UBE4B: variants seen among roughly 807,000 people sequenced by gnomAD.
UBE4B encodes the protein ubiquitination factor E4B.
In UBE4B, 27 loss-of-function variants were observed where a neutral mutation model predicts 148.1. The ratio of observed to expected loss-of-function variants is 0.18; its 90% CI spans 0.13 to 0.25. The LOEUF is 0.25. Among genes scored for constraint, UBE4B ranks in the 10% least tolerant of loss-of-function variants. The probability of loss-of-function intolerance (pLI) is 1.00; values close to 1 mark genes in which losing one functional copy is unlikely to be tolerated. For missense variants in UBE4B, 1,170 were observed against 1,662.4 expected, an observed-to-expected ratio of 0.70 and a Z score of 5.15; for synonymous variants, 596 against 619.3, an observed-to-expected ratio of 0.96 and a Z score of 0.56.
chr1:10,142,698 G>C (rs61782924), intron 17 of UBE4B, among the ~76,000 whole-genome samples: 45,747 of 151,892 alleles, frequency 0.3, 12,325 homozygotes, highest in African/African-American at 0.73. Context: ...TGCATTCCCT[G>C]CAGAGGCTCT....
chr1:10,100,598 A>G (rs928298768), intron 3 of UBE4B, among the ~76,000 whole-genome samples: 2 of 152,250 alleles, frequency 1.3e-5, no homozygotes, highest in East Asian at 3.8e-4. Context: ...CTTGTTGCCC[A>G]GGCTGGAGTG....
chr1:10,079,316 G>A (rs1275352198), intron 2 of UBE4B, among the ~76,000 whole-genome samples: 7 of 151,938 alleles, frequency 4.6e-5, no homozygotes, highest in African/African-American at 1.5e-4. Flanking sequence ...GCGCCACCAC[G>A]CCCGGCTAAT....
chr1:10,117,716 C>A, intron 8 of UBE4B, 116 bp downstream of exon 8: 1 of 1,295,476 alleles, frequency 7.7e-7, no homozygotes, highest in Non-Finnish European at 1.0e-6. Context: ...TGAGCATTTG[C>A]CATGTGCCAG....
chr1:10,130,961 A>C, intron 14 of UBE4B, 148 bp downstream of exon 14: 1 of 674,770 alleles, frequency 1.5e-6, no homozygotes, highest in Non-Finnish European at 2.5e-6. Context: ...ACTATAAGTA[A>C]GTAGCCTGTG....
chr1:10,178,547 A>G, intron 25 of UBE4B, 97 bp from the exon 26 acceptor site: 3 of 1,317,438 alleles, frequency 2.3e-6, no homozygotes, highest in Non-Finnish European at 3.0e-6. Context: ...TAGTGGGGGA[A>G]AATCCACAAA....
Position 10,168,037 on chromosome 1 carries a change from T to G in UBE4B, c.3199-99T>G. 2 of 1,399,524 alleles carry G rather than the reference T, an allele frequency of 1.4e-6. No individual in the cohort carries two copies. Among genetic ancestry groups the G allele is most frequent in the Non-Finnish European group, 1.9e-6 (2 of 1,056,590 alleles). The allele number at this position is 1,399,524 out of a possible 1,614,324, so 86.7% of individuals were successfully genotyped here. ...AGGCGGTTCTGTCATTCCCTAAGCA[T>G]GTTGGGTTTATCACGCACTTTCCAG... On this transcript the variant is annotated intron_variant, in intron 23 of 27. Transcript: ENST00000343090. The surrounding 1 kb of genome is among the most constrained non-coding windows in gnomAD (Gnocchi z 4.9).
At chr1:10,099,904 A>G (rs1644981947) in intron 3 of UBE4B, among the ~76,000 whole-genome samples, 1 of 152,252 alleles carries the variant, frequency 6.6e-6, no homozygotes, top group South Asian at 2.1e-4. Flanking sequence ...GCAATTGTTC[A>G]ATCGGGGATA....
intron 8 of UBE4B, among the ~76,000 whole-genome samples, chr1:10,118,938 A>G (rs898253056): frequency 8.8e-6 from 1 of 113,666 alleles, no homozygotes; most frequent in African/African-American, 3.5e-5. Context: ...GCTGGAGTGC[A>G]GTGGTGCAAT....
chr1:10,155,084 AGTGTGTGT>A (rs144718535), intron 21 of UBE4B, among the ~76,000 whole-genome samples: 8 of 146,200 alleles, frequency 5.5e-5, no homozygotes, highest in Non-Finnish European at 1.2e-4. Context: ...AGAGAGAGAG[AGTGTGTGT>A]GTGTGTGTGT....
chr1:10,115,331 GATCTC>G (rs1645291161), intron 7 of UBE4B, among the ~76,000 whole-genome samples: 1 of 151,102 alleles, frequency 6.6e-6, no homozygotes, highest in Non-Finnish European at 1.5e-5. Context: ...GCAGTTGTGT[GATCTC>G]AGCTCACAGC....
chr1:10,102,306 A>G (rs191352204), intron 4 of UBE4B, among the ~76,000 whole-genome samples: 32 of 147,560 alleles, frequency 2.2e-4, no homozygotes, highest in South Asian at 1.5e-3. Flanking sequence ...ACCTGGTCCT[A>G]TGGAATTCAG....
At chr1:10,173,663 C>T (rs1646371650) in intron 25 of UBE4B, among the ~76,000 whole-genome samples, 3 of 152,162 alleles carry the variant, frequency 2.0e-5, no homozygotes, top group South Asian at 4.1e-4. Flanking sequence ...TAGCTGGCGT[C>T]TCCAGCCCAG....
chr1:10,178,919 G>C, intron 26 of UBE4B, 101 bp downstream of exon 26: 5 of 1,254,700 alleles, frequency 4.0e-6, no homozygotes, highest in African/African-American at 1.5e-5. Flanking sequence ...TTAATGGTGT[G>C]CTAGAGCTGC....
In UBE4B at chr1:10,168,522, A is replaced by G. The variant is rs1421266528; in HGVS notation, c.3333+252A>G. ...AAATGCCTTACTGCACTTTGTGCTT[A>G]GACAGTACATTGGATTATTCATGTT... On this transcript the variant is annotated intron_variant, in intron 24 of 27. Transcript: ENST00000343090. The surrounding 1 kb of genome is among the most constrained non-coding windows in gnomAD (Gnocchi z 4.9). 6.6e-6 allele frequency among the ~76,000 whole-genome samples: 1 copy of G among 152,222 alleles called. No homozygotes were observed. The highest frequency in any genetic ancestry group is 6.5e-5 in the Admixed American group (1 of 15,286).
intron 23 of UBE4B, chr1:10,163,323 A>G (rs1176855013): frequency 1.3e-5 from 2 of 152,210 alleles, no homozygotes; most frequent in Non-Finnish European, 2.9e-5. Context: ...GAAGATTACC[A>G]TGGCCCCTGC....
intron 26 of UBE4B, 36 bp downstream of exon 26, chr1:10,178,854 T>C (rs1435354674): frequency 6.4e-7 from 1 of 1,555,362 alleles, no homozygotes; most frequent in South Asian, 1.2e-5. Flanking sequence ...TGATTTCTTT[T>C]GAGTTAACTG....
chr1:10,120,241 C>G (rs1446077005), intron 9 of UBE4B, among the ~76,000 whole-genome samples: 1 of 152,120 alleles, frequency 6.6e-6, no homozygotes, highest in Non-Finnish European at 1.5e-5. Flanking sequence ...AAAGTTTAGG[C>G]CGAGCATGGT....
intron 1 of UBE4B, among the ~76,000 whole-genome samples, chr1:10,064,845 C>T (rs764620150): frequency 2.6e-5 from 4 of 151,800 alleles, no homozygotes; most frequent in African/African-American, 4.8e-5. Context: ...CTCACTGCAG[C>T]CTCCACCTCC....
chr1:10,101,469 A>G (rs1645009678), intron 4 of UBE4B, among the ~76,000 whole-genome samples: 1 of 148,606 alleles, frequency 6.7e-6, no homozygotes, highest in Non-Finnish European at 1.5e-5. Context: ...AATTTAGAGC[A>G]AATTAGAATT....
Sources: allele counts gnomAD v4.1 joint callset (sites outside exome capture counted in the v4.1 genomes callset), GRCh38; gene constraint gnomAD v4.1.1; non-coding constraint Gnocchi (gnomAD v3.1); transcripts MANE v1.5; gene names NCBI Gene and HGNC (gene_info 2026-07-23, HGNC 2026-07-21).